Variants in SAMD8 observed in about 807,000 individuals in gnomAD.
SAMD8 encodes sphingomyelin synthase-related protein 1.
SAMD8 carries 20 observed loss-of-function variants against 42.0 expected under a neutral mutation model. That is an observed-to-expected ratio of 0.48 (90% CI 0.34 to 0.69). The LOEUF (loss-of-function observed/expected upper bound fraction) is 0.69, where lower values mean the gene tolerates loss of function less well. SAMD8 is among the 30% of genes least tolerant of loss of function. The pLI is 0.01. For missense variants in SAMD8, 328 were observed against 511.6 expected, an observed-to-expected ratio of 0.64 and a Z score of 3.46; for synonymous variants, 162 against 173.0, an observed-to-expected ratio of 0.94 and a Z score of 0.50.
chr10:75,164,691 A>T lies in SAMD8; in HGVS notation c.625A>T (p.Met209Leu), dbSNP rs781589350. 7 of 1,614,144 alleles carry T rather than the reference A, an allele frequency of 4.3e-6. No homozygotes were observed. The Admixed American group carries it at 1.2e-4, about 27-fold the overall frequency. ...CTTTGCCATGACGGAAGTATGTGGC[A>T]TGATTCTGTGCTATATTTGGCTCCT... Reference protein sequence around the residue: ...WAFAMTEVCGMILCYIWLLVL... With the variant: ...WAFAMTEVCGLILCYIWLLVL... The change falls in exon 3 of 6, where the codon ATG becomes TTG. Residue 209 changes from methionine (M) to leucine (L), a missense_variant. Met to Leu is a conservative substitution (Grantham distance 15, BLOSUM62 2). Transcript: ENST00000542569.
chr10:75,100,284 C>T (rs577755203), intron 1 of SAMD8, among the ~76,000 whole-genome samples: 6 of 152,248 alleles, frequency 3.9e-5, no homozygotes, highest in East Asian at 1.9e-4. Context: ...GAACGGGGCT[C>T]TCCCCTGGAC....
intron 2 of SAMD8, among the ~76,000 whole-genome samples, chr10:75,162,024 C>A (rs932497161): frequency 1.6e-4 from 25 of 151,958 alleles, no homozygotes; most frequent in African/African-American, 5.8e-4. Flanking sequence ...GGCAACAGAG[C>A]AACACTCCGT....
intron 4 of SAMD8, among the ~76,000 whole-genome samples, chr10:75,169,252 C>G (rs1269905274): frequency 6.7e-6 from 1 of 150,262 alleles, no homozygotes; most frequent in Non-Finnish European, 1.5e-5. Context: ...TTTGGGAGGC[C>G]AAGGTGGGTG....
rs530571545 is a variant in SAMD8, at chr10:75,181,229, A to G, written c.*4537A>G. 1.3e-5 allele frequency: 2 copies of G among 152,198 alleles called. No individual in the cohort carries two copies. The highest frequency in any genetic ancestry group is 2.9e-5 in the Non-Finnish European group (2 of 68,034). The allele number at this position is 152,198 out of a possible 1,614,324, so 9.4% of individuals were successfully genotyped here. ...ATGCCAACTTGACAGTTTAACAGTT[A>G]GTGTTTGTAAGCAGTTTAGCCTGAA... On this transcript the variant is annotated 3_prime_UTR_variant, in exon 6 of 6. Transcript: ENST00000542569.
upstream of SAMD8, among the ~76,000 whole-genome samples, chr10:75,110,286 C>T (rs1464138292): frequency 3.9e-5 from 6 of 152,210 alleles, no homozygotes; most frequent in African/African-American, 1.4e-4. Context: ...AGGGAGATTC[C>T]TCTGCCTATA....
At chr10:75,155,302 C>T (rs561596203) in intron 2 of SAMD8, among the ~76,000 whole-genome samples, 6 of 151,936 alleles carry the variant, frequency 3.9e-5, no homozygotes, top group African/African-American at 1.4e-4. Context: ...GTTTGGTTTT[C>T]GACATGTCAG....
intron 2 of SAMD8, 151 bp downstream of exon 2, chr10:75,151,257 C>T (rs1840281697): frequency 2.3e-6 from 1 of 439,142 alleles, no homozygotes; most frequent in African/African-American, 2.0e-5. Context: ...TTTGAAATTA[C>T]CTTTTTCACT....
At chr10:75,168,984 A>G (rs1840763259) in intron 4 of SAMD8, among the ~76,000 whole-genome samples, 1 of 150,782 alleles carries the variant, frequency 6.6e-6, no homozygotes, top group Non-Finnish European at 1.5e-5. Flanking sequence ...CAGCTGGGCC[A>G]AGATGGTGAA....
chr10:75,154,691 G>A (rs186361396), intron 2 of SAMD8, among the ~76,000 whole-genome samples: 159 of 152,168 alleles, frequency 1.0e-3, no homozygotes, highest in African/African-American at 3.8e-3. Flanking sequence ...GTGTGGGTGG[G>A]GATCTAGAGA....
At chr10:75,107,122 G>A (rs1009566304), upstream of SAMD8, among the ~76,000 whole-genome samples, 7 of 152,196 alleles carry the variant, frequency 4.6e-5, no homozygotes, top group African/African-American at 7.2e-5. Context: ...GATCACTTGA[G>A]GTTAGGAGTT....
At chr10:75,137,227 GA>G (rs1209154022) in intron 1 of SAMD8, among the ~76,000 whole-genome samples, 2 of 152,260 alleles carry the variant, frequency 1.3e-5, no homozygotes, top group South Asian at 4.2e-4. Context: ...CATAGAAGGG[GA>G]TATTATTCAG....
intron 1 of SAMD8, among the ~76,000 whole-genome samples, chr10:75,146,517 C>T (rs1327824056): frequency 1.3e-5 from 2 of 151,934 alleles, no homozygotes; most frequent in African/African-American, 2.4e-5. Flanking sequence ...AACTCCCAAC[C>T]TCAGGTGATC....
intron 2 of SAMD8, among the ~76,000 whole-genome samples, chr10:75,162,490 A>C (rs1840580429): frequency 6.6e-6 from 1 of 151,858 alleles, no homozygotes; most frequent in Non-Finnish European, 1.5e-5. Context: ...TCTCTACTAA[A>C]AATACACAAT....
chr10:75,143,475 G>A (rs750085565), intron 1 of SAMD8, among the ~76,000 whole-genome samples: 3 of 152,100 alleles, frequency 2.0e-5, no homozygotes, highest in Non-Finnish European at 4.4e-5. Context: ...TGCTGGTGAT[G>A]AAATCAGCTT....
chr10:75,155,601 G>T (rs1840394371), intron 2 of SAMD8, among the ~76,000 whole-genome samples: 1 of 152,160 alleles, frequency 6.6e-6, no homozygotes, highest in Admixed American at 6.6e-5. Context: ...GTTAATAAGG[G>T]CAAAAATGGG....
chr10:75,150,278 AAT>A, intron 1 of SAMD8: 10 of 193,582 alleles, frequency 5.2e-5, no homozygotes, highest in Non-Finnish European at 7.4e-5. Flanking sequence ...CCCAGGCTAA[AAT>A]TTTTTTTTTT....
At chr10:75,136,306 A>C (rs185266532) in intron 1 of SAMD8, among the ~76,000 whole-genome samples, 1 of 152,210 alleles carries the variant, frequency 6.6e-6, no homozygotes, top group Non-Finnish European at 1.5e-5. Context: ...AAATAATTGA[A>C]TAGCTTTTTG....
intron 2 of SAMD8, among the ~76,000 whole-genome samples, chr10:75,154,934 C>G (rs1055860825): frequency 4.6e-5 from 7 of 152,042 alleles, no homozygotes; most frequent in African/African-American, 1.7e-4. Flanking sequence ...ACTCTGTTCT[C>G]CAGGCTGGAG....
At chr10:75,103,214 A>T (rs1450772415) in intron 1 of SAMD8, among the ~76,000 whole-genome samples, 1 of 152,230 alleles carries the variant, frequency 6.6e-6, no homozygotes. Context: ...GCCAAAAATC[A>T]CATGTAAACT....
Sources: gnomAD v4.1 joint callset for allele counts (sites outside exome capture counted in the v4.1 genomes callset) on GRCh38, gnomAD v4.1.1 for gene constraint, MANE v1.5 for transcripts, NCBI Gene and HGNC (gene_info 2026-07-23, HGNC 2026-07-21) for gene names.